Variants in SMARCC1 observed in about 807,000 individuals in gnomAD.
SMARCC1 encodes SWI/SNF complex subunit SMARCC1.
Under a neutral mutation model 147.4 loss-of-function variants are expected in SMARCC1, and 43 were observed. That is an observed-to-expected ratio of 0.29 (90% CI 0.23 to 0.38). The LOEUF is 0.38. SMARCC1 is among the 10% of genes least tolerant of loss of function. The probability of loss-of-function intolerance (pLI) is 1.00; values close to 1 mark genes in which losing one functional copy is unlikely to be tolerated. For synonymous variants in SMARCC1, 495 were observed against 484.4 expected (o/e 1.02, Z -0.29); for missense variants, 1,119 against 1,381.1 (o/e 0.81, Z 3.01).
Position 47,610,251 on chromosome 3 carries a change from C to T in SMARCC1, c.2858G>A (p.Arg953Gln), listed in dbSNP as rs769908274. 1.3e-5 allele frequency: 21 copies of T among 1,614,012 alleles called. No homozygotes were observed. Among genetic ancestry groups the T allele is most frequent in the Non-Finnish European group, 1.8e-5 (21 of 1,180,040 alleles). The stretch of plus-strand genomic sequence containing the variant: ...CTGCTGTTCCATTTGCTGTCGTGCT[C>T]GTAATTCAGCATACTTCAGCTGTTC... ...HMEQLKYAEL[R>Q]ARQQMEQQQH... The change falls in exon 26 of 28, where the codon CGA becomes CAA. Residue 953 changes from arginine to glutamine, a missense_variant. Physicochemically the swap from Arg to Gln is conservative, Grantham distance 43. This residue lies in a region of SMARCC1 where 186 missense variants were observed against 216.5 expected (regional missense o/e 0.86). Transcript: ENST00000254480.
rs534709981 is a variant in SMARCC1 at position 47,718,355 on chromosome 3, G to GA, written c.716+2310dup. Among the ~76,000 whole-genome samples the GA allele has an allele frequency of 8.6e-5, 13 of 151,844 alleles. No individual in the cohort carries two copies. In the South Asian group the frequency reaches 2.7e-3, roughly 32 times the overall value. On this transcript the variant is annotated intron_variant, in intron 7 of 27. Coordinates refer to ENST00000254480, the MANE Select transcript of SMARCC1 (RefSeq NM_003074.4). ...AGCTACTCAGGAGGCTAAGGCATGA[G>GA]AATCGCTAGAACCAGGGAGGCGGAG...
At chr3:47,680,066 T>C (rs987697494) in intron 15 of SMARCC1, among the ~76,000 whole-genome samples, 3 of 151,756 alleles carry the variant, frequency 2.0e-5, no homozygotes, top group African/African-American at 4.8e-5. Flanking sequence ...GATAGATAAA[T>C]AAACATCAGC....
At chr3:47,731,228 C>T (rs2106823528) in intron 5 of SMARCC1, among the ~76,000 whole-genome samples, 1 of 152,314 alleles carries the variant, frequency 6.6e-6, no homozygotes, top group South Asian at 2.1e-4. Flanking sequence ...CAAGAAAGCA[C>T]TTTGTTCATC....
chr3:47,772,133 T>C (rs1273048994), intron 2 of SMARCC1, among the ~76,000 whole-genome samples: 1 of 152,012 alleles, frequency 6.6e-6, no homozygotes, highest in Non-Finnish European at 1.5e-5. Context: ...CTCGCACCAG[T>C]AATCAAAGAG....
intron 25 of SMARCC1, among the ~76,000 whole-genome samples, chr3:47,616,503 T>C (rs1190239995): frequency 6.6e-6 from 1 of 152,116 alleles, no homozygotes; most frequent in Non-Finnish European, 1.5e-5. Flanking sequence ...TGGAGTACAA[T>C]GGCATGATCT....
intron 14 of SMARCC1, among the ~76,000 whole-genome samples, chr3:47,683,863 C>T (rs986383168): frequency 6.6e-6 from 1 of 152,052 alleles, no homozygotes; most frequent in Admixed American, 6.6e-5. Flanking sequence ...TTTAAAAAAA[C>T]AACAACAACA....
chr3:47,720,957 C>A (rs1024692311), intron 6 of SMARCC1, among the ~76,000 whole-genome samples: 2 of 152,136 alleles, frequency 1.3e-5, no homozygotes, highest in Non-Finnish European at 2.9e-5. Flanking sequence ...TGTAGGTCTA[C>A]TATCCATCAC....
At chr3:47,724,529 C>A (rs1449916947) in intron 6 of SMARCC1, among the ~76,000 whole-genome samples, 2 of 152,132 alleles carry the variant, frequency 1.3e-5, no homozygotes, top group Non-Finnish European at 2.9e-5. Context: ...TTGAATGTAG[C>A]CCAACACAAA....
intron 7 of SMARCC1, among the ~76,000 whole-genome samples, chr3:47,718,318 G>A (rs149926790): frequency 5.3e-5 from 8 of 151,784 alleles, no homozygotes; most frequent in Non-Finnish European, 8.8e-5. Context: ...GGTGGCATGC[G>A]CCTATAATCC....
At chr3:47,653,888 A>G (rs1374918471) in intron 21 of SMARCC1, among the ~76,000 whole-genome samples, 1 of 152,176 alleles carries the variant, frequency 6.6e-6, no homozygotes, top group African/African-American at 2.4e-5. Flanking sequence ...ATGCCACTCA[A>G]AGGTCAGCCC....
intron 2 of SMARCC1, among the ~76,000 whole-genome samples, chr3:47,753,927 A>G (rs2034658574): frequency 6.6e-6 from 1 of 152,148 alleles, no homozygotes; most frequent in Non-Finnish European, 1.5e-5. Flanking sequence ...CACCTTGAAA[A>G]TGGTTGAAAG....
intron 18 of SMARCC1, among the ~76,000 whole-genome samples, chr3:47,671,743 T>C (rs1009694898): frequency 1.3e-5 from 2 of 152,212 alleles, no homozygotes; most frequent in African/African-American, 2.4e-5. Flanking sequence ...GCTATAAACA[T>C]TACTAATTCA....
intron 2 of SMARCC1, among the ~76,000 whole-genome samples, chr3:47,772,158 T>C (rs1477988128): frequency 6.6e-6 from 1 of 152,082 alleles, no homozygotes; most frequent in Non-Finnish European, 1.5e-5. Context: ...CAGAGGCCAA[T>C]GCAGAAGGAT....
intron 10 of SMARCC1, among the ~76,000 whole-genome samples, chr3:47,706,037 C>T (rs545332605): frequency 1.3e-5 from 2 of 152,048 alleles, no homozygotes; most frequent in South Asian, 2.1e-4. Context: ...CTTCTATGAG[C>T]TTATTTGATC....
In SMARCC1 at chr3:47,710,671, CA is replaced by C; in HGVS notation, c.918+11del. On this transcript the variant is annotated intron_variant, in intron 9 of 27. Transcript: ENST00000254480. Reference sequence around the variant, plus strand: ...CAGACTTAATGATGAGAAACTGTGCCAAAGAAAATACCTCTTCATTCTTGGT... The same window carrying C: ...CAGACTTAATGATGAGAAACTGTGCCAAGAAAATACCTCTTCATTCTTGGT... 2 of 1,611,508 alleles carry C rather than the reference CA, an allele frequency of 1.2e-6. No homozygotes were observed. The highest frequency in any genetic ancestry group is 1.7e-6 in the Non-Finnish European group (2 of 1,179,132).
intron 21 of SMARCC1, among the ~76,000 whole-genome samples, chr3:47,649,828 C>T (rs2033163644): frequency 6.6e-6 from 1 of 152,160 alleles, no homozygotes; most frequent in African/African-American, 2.4e-5. Context: ...TGTACAAGTA[C>T]ATTCCAACTC....
intron 6 of SMARCC1, among the ~76,000 whole-genome samples, chr3:47,726,178 G>C (rs1191701535): frequency 1.3e-5 from 2 of 151,060 alleles, no homozygotes; most frequent in Non-Finnish European, 2.9e-5. Flanking sequence ...AGGACTGCTT[G>C]ATACCAGGAG....
In SMARCC1 at chr3:47,658,930, C is replaced by T. The variant is rs182168318; in HGVS notation, c.2320+2364G>A. ...GTCAGGAGTTCGAGACCAACCTGGCCAACACAGTGAAACCCCATCTCTACT... is the reference window on the plus strand; with the variant it reads ...GTCAGGAGTTCGAGACCAACCTGGCTAACACAGTGAAACCCCATCTCTACT... On this transcript the variant is annotated intron_variant, in intron 21 of 27. Transcript: ENST00000254480. Among the ~76,000 whole-genome samples, 599 of 151,990 alleles carry T rather than the reference C, an allele frequency of 3.9e-3. 5 individuals carry two copies. Among genetic ancestry groups the T allele is most frequent in the African/African-American group, 0.013 (543 of 41,422 alleles).
intron 21 of SMARCC1, among the ~76,000 whole-genome samples, chr3:47,644,600 C>T (rs1411237305): frequency 6.6e-6 from 1 of 152,126 alleles, no homozygotes; most frequent in African/African-American, 2.4e-5. Context: ...CCCTGTCTCC[C>T]AGGTTCAAGC....
Sources: gnomAD v4.1 joint callset for allele counts (sites outside exome capture counted in the v4.1 genomes callset) on GRCh38, gnomAD v4.1.1 for gene constraint, gnomAD v4.1.1 regional missense constraint, MANE v1.5 for transcripts, NCBI Gene and HGNC (gene_info 2026-07-23, HGNC 2026-07-21) for gene names.